ATF7IP2: variants seen among roughly 807,000 people sequenced by gnomAD.
The protein encoded by ATF7IP2 is activating transcription factor 7 interacting protein 2, also known as activating transcription factor 7-interacting protein 2.
A neutral mutation model predicts 64.2 loss-of-function variants in ATF7IP2; 42 were observed. The observed-to-expected ratio is 0.65, with a 90% confidence interval of 0.51 to 0.85. The LOEUF is 0.85. Among genes scored for constraint, ATF7IP2 ranks in the 40% least tolerant of loss-of-function variants. The probability of loss-of-function intolerance (pLI) is 0.00; values close to 1 mark genes in which losing one functional copy is unlikely to be tolerated. For synonymous variants in ATF7IP2, 308 were observed against 272.8 expected, an observed-to-expected ratio of 1.13 and a Z score of -1.27; for missense variants, 933 against 784.2, an observed-to-expected ratio of 1.19 and a Z score of -2.27.
chr16:10,390,482 A>G (rs1250463031), intron 1 of ATF7IP2, among the ~76,000 whole-genome samples: 1 of 152,196 alleles, frequency 6.6e-6, no homozygotes, highest in East Asian at 1.9e-4. Flanking sequence ...TAAGTGAGAA[A>G]TTAGAAAAAA....
At chr16:10,433,778 C>A in intron 6 of ATF7IP2, 129 bp downstream of exon 6, 1 of 982,100 alleles carries the variant, frequency 1.0e-6, no homozygotes, top group Non-Finnish European at 1.5e-6. Context: ...TGTGTGAAAG[C>A]CAAATTATCA....
At chr16:10,456,810 G>C (rs2049186082) in intron 8 of ATF7IP2, among the ~76,000 whole-genome samples, 1 of 152,152 alleles carries the variant, frequency 6.6e-6, no homozygotes, top group Admixed American at 6.5e-5. Context: ...CAGGTTTGGG[G>C]CAACAGATGG....
intron 13 of ATF7IP2, 105 bp from the exon 14 acceptor site, chr16:10,481,731 T>C: frequency 9.9e-7 from 1 of 1,010,142 alleles, no homozygotes; most frequent in Non-Finnish European, 1.4e-6. Flanking sequence ...TACTGAAATA[T>C]CCTTTTATTA....
chr16:10,401,502 G>T (rs896924812), intron 1 of ATF7IP2, among the ~76,000 whole-genome samples: 2 of 152,076 alleles, frequency 1.3e-5, no homozygotes, highest in Non-Finnish European at 2.9e-5. Flanking sequence ...GATTCAGTTT[G>T]CTAGTATGTT....
intron 13 of ATF7IP2, among the ~76,000 whole-genome samples, chr16:10,481,596 G>C (rs968475119): frequency 6.6e-6 from 1 of 152,160 alleles, no homozygotes; most frequent in Admixed American, 6.5e-5. Context: ...ATTTGGAAAT[G>C]AGATGGAATA....
In ATF7IP2 at chr16:10,482,616, A is replaced by G. The variant is rs2050277435; in HGVS notation, c.*367A>G. 1 of 163,528 alleles carries G rather than the reference A, an allele frequency of 6.1e-6. No homozygotes were observed. Among genetic ancestry groups the G allele is most frequent in the Admixed American group, 6.3e-5 (1 of 15,926 alleles). 10.1% of individuals were successfully genotyped at this position (163,528 alleles called of 1,614,324 possible). A position where few individuals can be genotyped will look rare whatever the true frequency, so the allele number is the denominator to read the frequency against. On this transcript the variant is annotated 3_prime_UTR_variant, in exon 14 of 14. Coordinates refer to ENST00000562102, the MANE Select transcript of ATF7IP2 (RefSeq NM_001393719.1). ...GTAACCTGCTGTGGTCAGCATAGCT[A>G]CAGGAAAAGTCAGCCCTTGACTGAG...
chr16:10,427,454 T>A (rs1270078706), intron 3 of ATF7IP2, among the ~76,000 whole-genome samples: 1 of 152,176 alleles, frequency 6.6e-6, no homozygotes, highest in Admixed American at 6.5e-5. Context: ...CTCCAGGAAA[T>A]AATTTGGTTT....
At chr16:10,464,877 T>A (rs1311980280) in intron 9 of ATF7IP2, among the ~76,000 whole-genome samples, 15 of 152,234 alleles carry the variant, frequency 9.9e-5, no homozygotes. Context: ...TTATCCAGGC[T>A]GGAGTGCAAC....
chr16:10,419,523 C>T (rs958565008), intron 2 of ATF7IP2, 58 bp from the exon 3 acceptor site: 2 of 152,926 alleles, frequency 1.3e-5, no homozygotes, highest in African/African-American at 4.8e-5. Context: ...ATGGTGATCA[C>T]TGCTATCATA....
chr16:10,388,105 G>A (rs1246129694), intron 1 of ATF7IP2, among the ~76,000 whole-genome samples: 1 of 152,048 alleles, frequency 6.6e-6, no homozygotes, highest in Admixed American at 6.6e-5. Flanking sequence ...TGGCCAGGCT[G>A]GTCTCGAATT....
intron 12 of ATF7IP2, among the ~76,000 whole-genome samples, chr16:10,476,487 T>C (rs2050012518): frequency 6.6e-6 from 1 of 151,876 alleles, no homozygotes; most frequent in Non-Finnish European, 1.5e-5. Flanking sequence ...TCCCCAGTTG[T>C]GTGTGTGTGT....
chr16:10,426,985 C>T (rs564129568), intron 3 of ATF7IP2, among the ~76,000 whole-genome samples: 68 of 151,812 alleles, frequency 4.5e-4, no homozygotes, highest in Admixed American at 1.5e-3. Flanking sequence ...CCCAAGTAGC[C>T]GGGAATACAG....
At chr16:10,460,884 A>G (rs1229850872) in intron 9 of ATF7IP2, among the ~76,000 whole-genome samples, 1 of 152,192 alleles carries the variant, frequency 6.6e-6, no homozygotes. Context: ...AAGGCACTAT[A>G]AAGATAGTGA....
chr16:10,431,824 T>C (rs1483999395), intron 5 of ATF7IP2, among the ~76,000 whole-genome samples: 7 of 142,594 alleles, frequency 4.9e-5, no homozygotes, highest in Admixed American at 6.9e-5. Flanking sequence ...CTATTTCTTT[T>C]TTTTTTTTTT....
chr16:10,432,690 G>A (rs1311051393), intron 5 of ATF7IP2, among the ~76,000 whole-genome samples: 7 of 152,170 alleles, frequency 4.6e-5, no homozygotes, highest in South Asian at 2.1e-4. Context: ...CCAACATGGC[G>A]AAACCCCGTC....
chr16:10,433,575 C>T lies in ATF7IP2; in HGVS notation c.886C>T (p.Arg296Cys), dbSNP rs768043303. ...MFSENEENVK[R>C]MKTSEQINEN... Reference sequence around the variant, plus strand: ...TTCAGAAAACGAGGAAAATGTTAAACGCATGAAAACTTCAGAGCAAATTAA... The same window carrying T: ...TTCAGAAAACGAGGAAAATGTTAAATGCATGAAAACTTCAGAGCAAATTAA... The change falls in exon 6 of 14, where the codon CGC becomes TGC. Residue 296 changes from arginine to cysteine, a missense_variant. Arg to Cys is a radical substitution (Grantham distance 180, BLOSUM62 -3). Transcript: ENST00000562102. 3.1e-6 allele frequency: 5 copies of T among 1,612,844 alleles called. No individual in the cohort carries two copies. Among genetic ancestry groups the T allele is most frequent in the Non-Finnish European group, 4.2e-6 (5 of 1,178,910 alleles).
At position 10,421,299 on chromosome 16, in the gene ATF7IP2, C is replaced by G. The variant is rs79273393; in HGVS notation, c.-160+1676C>G. 2.5e-3 allele frequency among the ~76,000 whole-genome samples: 383 copies of G among 152,252 alleles called. 3 individuals are homozygous for G. The East Asian group carries it at 0.033, about 13-fold the overall frequency. On this transcript the variant is annotated intron_variant, in intron 3 of 13. Transcript: ENST00000562102. ...ATCTGAGTTGAAAAAAATTAGAAAT[C>G]TAGAGTCTTCTCTGGATCTTTTCTA...
intron 1 of ATF7IP2, chr16:10,387,791 C>T (rs2047231205): frequency 6.6e-6 from 1 of 151,440 alleles, no homozygotes; most frequent in African/African-American, 2.4e-5. Context: ...ACCAAAAAAT[C>T]TTATTCTCTC....
At chr16:10,402,168 A>C (rs1357918785) in intron 1 of ATF7IP2, among the ~76,000 whole-genome samples, 1 of 152,058 alleles carries the variant, frequency 6.6e-6, no homozygotes, top group Non-Finnish European at 1.5e-5. Context: ...CTTGAGGTAC[A>C]ATGTAAGATT....
Sources: gnomAD v4.1 joint callset for allele counts (sites outside exome capture counted in the v4.1 genomes callset) on GRCh38, gnomAD v4.1.1 for gene constraint, MANE v1.5 for transcripts, NCBI Gene and HGNC (gene_info 2026-07-23, HGNC 2026-07-21) for gene names.